The following CC2D2B variants were observed in gnomAD, a reference collection of about 807,000 sequenced individuals.
CC2D2B encodes coiled-coil and C2 domain containing 2B.
A neutral mutation model predicts 161.2 loss-of-function variants in CC2D2B; 128 were observed. The observed-to-expected ratio is 0.79, with a 90% confidence interval of 0.69 to 0.92. The LOEUF (loss-of-function observed/expected upper bound fraction) is 0.92. Ranked by LOEUF, CC2D2B falls within the 40% of genes least tolerant of loss-of-function variation. The pLI is 0.00. For synonymous variants in CC2D2B, 391 were observed against 449.8 expected (o/e 0.87, Z 1.65); for missense variants, 1,173 against 1,375.1 (o/e 0.85, Z 2.32).
intron 6 of CC2D2B, among the ~76,000 whole-genome samples, chr10:95,932,231 G>C (rs572490160): frequency 2.6e-4 from 40 of 152,070 alleles, no homozygotes; most frequent in African/African-American, 8.9e-4. Context: ...CCATTTGCTT[G>C]GCAAATCTTC....
In CC2D2B at chr10:95,992,690, A is replaced by G. The variant is rs528742543; in HGVS notation, c.2635A>G (p.Ile879Val). 8.1e-7 allele frequency: 1 copy of G among 1,234,034 alleles called. No individual in the cohort carries two copies. Among genetic ancestry groups the G allele is most frequent in the Non-Finnish European group, 1.0e-6 (1 of 987,900 alleles). 76.4% of individuals were successfully genotyped at this position (1,234,034 alleles called of 1,614,324 possible). A position where few individuals can be genotyped will look rare whatever the true frequency, so the allele number is the denominator to read the frequency against. ...AYNIPTRKTT[I>V]NGSLDMPTCL... ...TAATATTCCTACCAGAAAAACAACA[A>G]TTAATGGGTAAGGCAATATGCCCCA... The change falls in exon 22 of 35, where the codon ATT becomes GTT. Residue 879 changes from isoleucine to valine, a missense_variant. Ile to Val is a conservative substitution (Grantham distance 29). Around this residue, in one of 3 missense-constraint regions of CC2D2B, gnomAD observed 598 missense variants for 693.2 expected, o/e 0.86. Coordinates refer to ENST00000646931, the MANE Select transcript of CC2D2B (RefSeq NM_001349008.3).
intron 14 of CC2D2B, among the ~76,000 whole-genome samples, chr10:95,966,833 T>G (rs551980205): frequency 1.4e-4 from 21 of 152,206 alleles, no homozygotes; most frequent in African/African-American, 4.8e-4. Context: ...AGTTGTGATT[T>G]CTTCCTTGAG....
chr10:96,030,609 A>G (rs1406892701), intron 34 of CC2D2B, among the ~76,000 whole-genome samples: 1 of 152,140 alleles, frequency 6.6e-6, no homozygotes, highest in Non-Finnish European at 1.5e-5. Context: ...AAAGCTTATA[A>G]ACAATAGAAA....
chr10:96,030,843 A>G (rs1164049204), intron 34 of CC2D2B, among the ~76,000 whole-genome samples: 4 of 152,210 alleles, frequency 2.6e-5, no homozygotes, highest in African/African-American at 9.6e-5. Context: ...AAAATAATCA[A>G]TTTAGTAATA....
chr10:95,930,797 T>C (rs998952880), intron 6 of CC2D2B, among the ~76,000 whole-genome samples: 1 of 152,214 alleles, frequency 6.6e-6, no homozygotes. Flanking sequence ...CAGTATTTTA[T>C]TGAGGATTTT....
intron 17 of CC2D2B, among the ~76,000 whole-genome samples, chr10:95,975,659 T>G (rs72813677): frequency 0.014 from 2,114 of 152,268 alleles, 25 homozygotes; most frequent in Non-Finnish European, 0.024. Flanking sequence ...AGTGAATAAC[T>G]GTGGTTCTGG....
chr10:96,008,901 T>G (rs1007628733), intron 25 of CC2D2B, among the ~76,000 whole-genome samples: 5 of 152,114 alleles, frequency 3.3e-5, no homozygotes, highest in African/African-American at 1.2e-4. Context: ...GAAGTCAAAC[T>G]TATCAACTTG....
chr10:95,998,576 A>G (rs895125060), intron 24 of CC2D2B, among the ~76,000 whole-genome samples: 1 of 152,130 alleles, frequency 6.6e-6, no homozygotes, highest in African/African-American at 2.4e-5. Context: ...ATTTATTTTA[A>G]GGAATTGGAT....
At chr10:95,994,750 C>T (rs12413234) in intron 22 of CC2D2B, among the ~76,000 whole-genome samples, 15,565 of 152,206 alleles carry the variant, frequency 0.1, 1,603 homozygotes, top group East Asian at 0.58. Context: ...ACCCGCCGGT[C>T]ATTCCTTGGT....
chr10:95,937,909 G>T (rs2075883483), intron 6 of CC2D2B, 82 bp from the exon 7 acceptor site: 1 of 811,874 alleles, frequency 1.2e-6, no homozygotes, highest in East Asian at 2.7e-5. Context: ...TTCACAGTAA[G>T]GTTCCAGTAC....
chr10:95,989,760 T>C (rs1472465754), intron 20 of CC2D2B, among the ~76,000 whole-genome samples: 1 of 152,172 alleles, frequency 6.6e-6, no homozygotes, highest in African/African-American at 2.4e-5. Context: ...GAAGACTTCT[T>C]TGCTGAGGAC....
In CC2D2B at chr10:96,032,855, C is replaced by A. The variant is rs974043823; in HGVS notation, c.*847C>A. Reference sequence around the variant, plus strand: ...CAGGACTCTTTTTTTCCTTAGTGAGCAGCCCCCAACTCTGCCTCTGGCACT... The same window carrying A: ...CAGGACTCTTTTTTTCCTTAGTGAGAAGCCCCCAACTCTGCCTCTGGCACT... On this transcript the variant is annotated 3_prime_UTR_variant, in exon 35 of 35. Transcript: ENST00000646931. 2.2e-6 allele frequency: 1 copy of A among 456,482 alleles called. No individual in the cohort carries two copies. Among genetic ancestry groups the A allele is most frequent in the African/African-American group, 2.0e-5 (1 of 49,216 alleles). The allele number at this position is 456,482 out of a possible 1,614,324, so 28.3% of individuals were successfully genotyped here.
intron 31 of CC2D2B, 107 bp from the exon 32 acceptor site, chr10:96,019,595 T>C: frequency 8.9e-7 from 1 of 1,120,316 alleles, no homozygotes; most frequent in Non-Finnish European, 1.3e-6. Context: ...GCTGGGATTC[T>C]GCCACTTCAT....
At chr10:95,962,602 A>C (rs1004810875) in intron 12 of CC2D2B, among the ~76,000 whole-genome samples, 7 of 152,116 alleles carry the variant, frequency 4.6e-5, no homozygotes, top group Non-Finnish European at 8.8e-5. Flanking sequence ...ATTCAAACCC[A>C]AACACTTAAG....
Position 95,950,179 on chromosome 10 carries a change from A to G in CC2D2B, c.1011+74A>G, listed in dbSNP as rs190578359. 2,108 of 397,738 alleles carry G rather than the reference A, an allele frequency of 5.3e-3. 6 individuals are homozygous for G. Among genetic ancestry groups the G allele is most frequent in the African/African-American group, 6.9e-3 (335 of 48,716 alleles). The allele number at this position is 397,738 out of a possible 1,614,324, so 24.6% of individuals were successfully genotyped here. ...AAAAATTCCTTGTGCAGAGCAAATTATCAGAACATTTTCTAAATATTTAAG... is the reference window on the plus strand; with the variant it reads ...AAAAATTCCTTGTGCAGAGCAAATTGTCAGAACATTTTCTAAATATTTAAG... On this transcript the variant is annotated intron_variant, in intron 10 of 34. Transcript: ENST00000646931.
intron 5 of CC2D2B, among the ~76,000 whole-genome samples, chr10:95,925,474 T>G (rs1485311128): frequency 2.0e-5 from 3 of 152,220 alleles, no homozygotes; most frequent in Non-Finnish European, 2.9e-5. Context: ...ATAGGTGATA[T>G]CCAACTTACA....
rs958003097 is a variant in CC2D2B at position 95,961,844 on chromosome 10, G to A, written c.1125G>A (p.Met375Ile). Residue 375 changes from methionine to isoleucine, a missense_variant, in exon 12 of 35, where the codon ATG becomes ATA. Transcript: ENST00000646931. ...TTTGTTGTAGTAATACAAAACAGAT[G>A]TATGACTTAGAAAGGGGAAAGGACC... ...YYWQISNTKQ[M>I]YDLERGKDLS... The A allele has an allele frequency of 3.4e-5, 42 of 1,231,436 alleles. No homozygotes were observed. The East Asian group carries it at 1.3e-3, about 37-fold the overall frequency. 76.3% of individuals were successfully genotyped at this position (1,231,436 alleles called of 1,614,324 possible). A position where few individuals can be genotyped will look rare whatever the true frequency, so the allele number is the denominator to read the frequency against.
Position 95,972,139 on chromosome 10 carries a change from A to C in CC2D2B, c.1718A>C (p.Lys573Thr). The change falls in exon 16 of 35, where the codon AAA becomes ACA. Residue 573 changes from lysine (K) to threonine (T), a missense_variant. Lys to Thr is a moderately conservative substitution (Grantham distance 78, BLOSUM62 -1). Coordinates refer to ENST00000646931, the MANE Select transcript of CC2D2B (RefSeq NM_001349008.3). ...YIPLPNYTEL[K>T]GKTALQYVEF... ...CCTTTACCTAACTACACAGAGCTGA[A>C]AGGCAAAACCGCTTTGCAATATGTA... The C allele has an allele frequency of 1.6e-6, 2 of 1,231,938 alleles. No homozygotes were observed. Among genetic ancestry groups the C allele is most frequent in the Non-Finnish European group, 2.0e-6 (2 of 987,796 alleles). 76.3% of individuals were successfully genotyped at this position (1,231,938 alleles called of 1,614,324 possible).
At chr10:95,987,229 C>T (rs1261263769) in intron 19 of CC2D2B, among the ~76,000 whole-genome samples, 4 of 151,860 alleles carry the variant, frequency 2.6e-5, no homozygotes, top group Non-Finnish European at 5.9e-5. Flanking sequence ...GAGGCTGAGG[C>T]AGGAGAATCA....
Sources: gnomAD v4.1 joint callset for allele counts (sites outside exome capture counted in the v4.1 genomes callset) on GRCh38, gnomAD v4.1.1 for gene constraint, gnomAD v4.1.1 regional missense constraint, MANE v1.5 for transcripts, NCBI Gene and HGNC (gene_info 2026-07-23, HGNC 2026-07-21) for gene names.